PLXDC1: variants seen among roughly 807,000 people sequenced by gnomAD.
The protein encoded by PLXDC1 is plexin domain containing 1, also known as plexin domain-containing protein 1.
In PLXDC1, 39 loss-of-function variants were observed where a neutral mutation model predicts 61.3. The observed-to-expected ratio is 0.64, with a 90% CI of 0.49 to 0.83. The LOEUF (loss-of-function observed/expected upper bound fraction) is 0.83, where lower values mean the gene tolerates loss of function less well. Among genes scored for constraint, PLXDC1 ranks in the 40% least tolerant of loss-of-function variants. The pLI is 0.00. For synonymous variants in PLXDC1, 212 were observed against 254.5 expected (o/e 0.83, Z 1.59); for missense variants, 596 against 666.5 (o/e 0.89, Z 1.17).
intron 2 of PLXDC1, chr17:39,137,293 A>C (rs1911784693): frequency 6.6e-6 from 1 of 152,218 alleles, no homozygotes; most frequent in Non-Finnish European, 1.5e-5. Context: ...GGTGGCTTAC[A>C]CTTGTAATCC....
At chr17:39,152,752 A>T, upstream of PLXDC1, 222 of 844,124 alleles carry the variant, frequency 2.6e-4, no homozygotes, top group Non-Finnish European at 3.2e-4. Flanking sequence ...GAAGAGACGG[A>T]TTCCGTGGCA....
intron 1 of PLXDC1, chr17:39,144,632 C>T (rs1259930205): frequency 6.6e-6 from 1 of 152,330 alleles, no homozygotes; most frequent in Non-Finnish European, 1.5e-5. Flanking sequence ...AAAGCCTCGG[C>T]CTTCCCGTAT....
At chr17:39,111,433 C>T (rs1409779436) in intron 2 of PLXDC1, among the ~76,000 whole-genome samples, 9 of 152,154 alleles carry the variant, frequency 5.9e-5, no homozygotes, top group Admixed American at 3.9e-4. Flanking sequence ...TACAGGCACA[C>T]GCCTCCACGC....
intron 2 of PLXDC1, among the ~76,000 whole-genome samples, chr17:39,111,274 C>T (rs1275212285): frequency 2.0e-5 from 3 of 152,046 alleles, no homozygotes; most frequent in South Asian, 4.1e-4. Context: ...ATTCAACACT[C>T]GGCTTAAACT....
intron 9 of PLXDC1, among the ~76,000 whole-genome samples, chr17:39,081,904 T>A (rs142280848): frequency 6.6e-6 from 1 of 152,168 alleles, no homozygotes; most frequent in East Asian, 1.9e-4. Context: ...ATTGCACCAC[T>A]GCACCCCAGC....
rs770013115 is a variant in PLXDC1, at chr17:39,087,591, A to C, written c.907+16T>G. 2.4e-5 allele frequency: 38 copies of C among 1,596,682 alleles called. No homozygotes were observed. In the South Asian group the frequency reaches 4.2e-4, roughly 18 times the overall value. ...TCCAGAGCTCTTTCTGGGATGGCGG[A>C]ATGACCCCTACTCACTCGGCAATGG... On this transcript the variant is annotated intron_variant, in intron 8 of 13. Coordinates refer to ENST00000315392, the MANE Select transcript of PLXDC1 (RefSeq NM_020405.5).
At chr17:39,138,722 CTTT>C (rs72416084) in intron 2 of PLXDC1, among the ~76,000 whole-genome samples, 5 of 145,450 alleles carry the variant, frequency 3.4e-5, no homozygotes, top group African/African-American at 2.5e-5. Flanking sequence ...ACTATTTAAC[CTTT>C]TTTTTTTTTA....
chr17:39,093,711 G>A (rs958032342), intron 7 of PLXDC1, among the ~76,000 whole-genome samples: 16 of 104,588 alleles, frequency 1.5e-4, no homozygotes, highest in Non-Finnish European at 2.0e-4. Context: ...GAAAGACTCC[G>A]TCTTAAAATA....
chr17:39,092,054 A>T lies in PLXDC1; in HGVS notation c.812-4352T>A, dbSNP rs1051786368. Among the ~76,000 whole-genome samples, 31 of 151,818 alleles carry T rather than the reference A, an allele frequency of 2.0e-4. 1 individual carries two copies. Among genetic ancestry groups the T allele is most frequent in the Non-Finnish European group, 4.0e-4 (27 of 67,984 alleles). On this transcript the variant is annotated intron_variant, in intron 7 of 13. Coordinates refer to ENST00000315392, the MANE Select transcript of PLXDC1 (RefSeq NM_020405.5). Reference sequence around the variant, plus strand: ...GACAGATTAACCCATAGACAGATACAACTTTGTATAGCACTTTACTTTTTC... The same window carrying T: ...GACAGATTAACCCATAGACAGATACTACTTTGTATAGCACTTTACTTTTTC...
intron 2 of PLXDC1, chr17:39,111,962 C>T (rs1910819647): frequency 6.6e-6 from 1 of 152,222 alleles, no homozygotes; most frequent in Non-Finnish European, 1.5e-5. Flanking sequence ...GAAAGCAGCT[C>T]CCTCTGTTTC....
chr17:39,083,004 G>A (rs1450912929), intron 9 of PLXDC1, among the ~76,000 whole-genome samples: 1 of 152,208 alleles, frequency 6.6e-6, no homozygotes, highest in Admixed American at 6.5e-5. Context: ...ATCTTGAGGT[G>A]GTGTTTTGGG....
rs1387127883 is a variant in PLXDC1, at chr17:39,151,313, C to T, written c.76+49G>A. On this transcript the variant is annotated intron_variant, in intron 1 of 13. Coordinates refer to ENST00000315392, the MANE Select transcript of PLXDC1 (RefSeq NM_020405.5). This position sits in a 1 kb window ranked among gnomAD's most constrained non-coding sequence, Gnocchi z 5.2. ...CTGCCCATGCCCACACCTGACTGCC[C>T]GTCCCTCCCCGCCCCCGGCCCACCC... 5 of 1,239,530 alleles carry T rather than the reference C, an allele frequency of 4.0e-6. No homozygotes were observed. Among genetic ancestry groups the T allele is most frequent in the Admixed American group, 8.4e-5 (2 of 23,898 alleles). The allele number at this position is 1,239,530 out of a possible 1,614,324, so 76.8% of individuals were successfully genotyped here. A position where few individuals can be genotyped will look rare whatever the true frequency, so the allele number is the denominator to read the frequency against.
intron 2 of PLXDC1, among the ~76,000 whole-genome samples, chr17:39,127,372 C>T (rs948300442): frequency 2.0e-5 from 3 of 152,082 alleles, no homozygotes; most frequent in African/African-American, 7.2e-5. Context: ...GATAGTTGAT[C>T]CCCTAGACCA....
intron 2 of PLXDC1, among the ~76,000 whole-genome samples, chr17:39,114,086 T>C (rs370289236): frequency 1.2e-4 from 18 of 152,244 alleles, no homozygotes; most frequent in African/African-American, 3.9e-4. Flanking sequence ...AACAGCCATC[T>C]TGTGAGTATA....
intron 5 of PLXDC1, 192 bp from the exon 6 acceptor site, chr17:39,107,717 A>G: frequency 3.2e-6 from 2 of 622,438 alleles, no homozygotes; most frequent in Non-Finnish European, 2.9e-6. Flanking sequence ...GAGGAGCCAG[A>G]AGATCCTGCT....
intron 4 of PLXDC1, 179 bp from the exon 5 acceptor site, chr17:39,108,424 C>A: frequency 1.6e-6 from 1 of 626,114 alleles, no homozygotes; most frequent in African/African-American, 1.8e-5. Context: ...CAAAGGACCC[C>A]AGATAGGAGA....
intron 11 of PLXDC1, among the ~76,000 whole-genome samples, chr17:39,074,294 A>G (rs1276254847): frequency 6.6e-6 from 1 of 152,168 alleles, no homozygotes; most frequent in Non-Finnish European, 1.5e-5. Flanking sequence ...CCTTGAGCCC[A>G]GGAGTTCAAG....
chr17:39,136,500 G>A (rs184965863), intron 2 of PLXDC1, among the ~76,000 whole-genome samples: 2 of 151,922 alleles, frequency 1.3e-5, no homozygotes, highest in African/African-American at 4.8e-5. Flanking sequence ...CTCCCACCTC[G>A]AGCCTCCCAA....
In PLXDC1 at chr17:39,144,556, G is replaced by T. The variant is rs552552543; in HGVS notation, c.77-4724C>A. The T allele has an allele frequency of 1.3e-3, 204 of 152,460 alleles. 1 individual carries two copies. Among genetic ancestry groups the T allele is most frequent in the Non-Finnish European group, 2.5e-3 (167 of 68,096 alleles). The allele number at this position is 152,460 out of a possible 1,614,324, so 9.4% of individuals were successfully genotyped here. ...ACGACTCATGAAAGAAGCCAACACA[G>T]CTGGTTGCTCACGTGTATGTGCAGG... On this transcript the variant is annotated intron_variant, in intron 1 of 13. Transcript: ENST00000315392.
Sources: allele counts gnomAD v4.1 joint callset (sites outside exome capture counted in the v4.1 genomes callset), GRCh38; gene constraint gnomAD v4.1.1; non-coding constraint Gnocchi (gnomAD v3.1); transcripts MANE v1.5; gene names NCBI Gene and HGNC (gene_info 2026-07-23, HGNC 2026-07-21).